SETD2: variants seen among roughly 807,000 people sequenced by gnomAD.
SETD2 encodes the protein SET domain containing 2, histone lysine methyltransferase.
SETD2 carries 31 observed loss-of-function variants against 242.1 expected under a neutral mutation model. The ratio of observed to expected loss-of-function variants is 0.13; its 90% confidence interval spans 0.10 to 0.17. The LOEUF (loss-of-function observed/expected upper bound fraction) is 0.17, where lower values mean the gene tolerates loss of function less well. Among genes scored for constraint, SETD2 ranks in the 10% least tolerant of loss-of-function variants. The pLI is 1.00. For missense variants in SETD2, 2,481 were observed against 3,046.3 expected, an observed-to-expected ratio of 0.81 and a Z score of 4.37; for synonymous variants, 1,006 against 1,066.5, an observed-to-expected ratio of 0.94 and a Z score of 1.11.
chr3:47,119,849 G>T (rs763570981), intron 3 of SETD2: 136 of 480,270 alleles, frequency 2.8e-4, no homozygotes, highest in Non-Finnish European at 4.6e-4. Context: ...TTATTTTGCT[G>T]GGGTTTTATT....
intron 14 of SETD2, 123 bp from the exon 15 acceptor site, chr3:47,057,613 G>A (rs1038594096): frequency 5.9e-6 from 4 of 679,404 alleles, no homozygotes; most frequent in Admixed American, 5.5e-5. Context: ...TTTGGCACTG[G>A]TTTACAACTA....
intron 8 of SETD2, among the ~76,000 whole-genome samples, chr3:47,101,198 T>C (rs2042198615): frequency 1.3e-5 from 2 of 152,002 alleles, no homozygotes; most frequent in Admixed American, 6.6e-5. Flanking sequence ...CTAAAGTTTT[T>C]CAGAATTACA....
At chr3:47,035,270 A>G (rs1262552436) in intron 18 of SETD2, among the ~76,000 whole-genome samples, 1 of 152,216 alleles carries the variant, frequency 6.6e-6, no homozygotes, top group Non-Finnish European at 1.5e-5. Flanking sequence ...GGTGCTGAGC[A>G]GACCTAACTA....
chr3:47,140,633 G>C lies in SETD2; in HGVS notation c.72-13970C>G, dbSNP rs937519690. ...CTCAGCACTTTGGGAGGCCAAGGCG[G>C]GTGGATCACTTGAGGTCAGGAGTTC... On this transcript the variant is annotated intron_variant, in intron 1 of 20. Transcript: ENST00000409792. Among the ~76,000 whole-genome samples, 38 of 152,158 alleles carry C rather than the reference G, an allele frequency of 2.5e-4. 3 individuals are homozygous for C.
At chr3:47,059,248 C>T (rs760244578) in intron 14 of SETD2, among the ~76,000 whole-genome samples, 1 of 150,370 alleles carries the variant, frequency 6.7e-6, no homozygotes, top group Non-Finnish European at 1.5e-5. Flanking sequence ...TCCCCAGTAA[C>T]TGGGATTACA....
At chr3:47,021,894 A>G (rs1400925773) in intron 18 of SETD2, among the ~76,000 whole-genome samples, 1 of 152,120 alleles carries the variant, frequency 6.6e-6, no homozygotes, top group East Asian at 1.9e-4. Context: ...CACGCCTGTA[A>G]TCCTAGCACT....
chr3:47,163,835 C>G lies in SETD2; in HGVS notation c.71+19G>C, dbSNP rs746725061. On this transcript the variant is annotated intron_variant, in intron 1 of 20. Coordinates refer to ENST00000409792, the MANE Select transcript of SETD2 (RefSeq NM_014159.7). ...TAAGGCGGCCGACAGCAGCGGGGGG[C>G]CGCGGAGCTGATACTTACTCAGGGG... 6 of 1,273,216 alleles carry G rather than the reference C, an allele frequency of 4.7e-6. No homozygotes were observed. The highest frequency in any genetic ancestry group is 3.6e-5 in the Admixed American group (1 of 27,730). The allele number at this position is 1,273,216 out of a possible 1,614,324, so 78.9% of individuals were successfully genotyped here. A position where few individuals can be genotyped will look rare whatever the true frequency, so the allele number is the denominator to read the frequency against.
In SETD2 at chr3:47,148,718, G is replaced by T. The variant is rs2043918103; in HGVS notation, c.71+15136C>A. ...ATAATAAAAACCCCATTTTCCAGTA[G>T]GAAAAACTTTATAGACATCCAATCG... On this transcript the variant is annotated intron_variant, in intron 1 of 20. Coordinates refer to ENST00000409792, the MANE Select transcript of SETD2 (RefSeq NM_014159.7). Among the ~76,000 whole-genome samples, 2 of 152,274 alleles carry T rather than the reference G, an allele frequency of 1.3e-5. 1 individual carries two copies. The highest frequency in any genetic ancestry group is 4.1e-4 in the South Asian group (2 of 4,830).
intron 1 of SETD2, among the ~76,000 whole-genome samples, chr3:47,158,056 T>C (rs2044166340): frequency 6.6e-6 from 1 of 152,198 alleles, no homozygotes; most frequent in Non-Finnish European, 1.5e-5. Flanking sequence ...CCAGGAGTTC[T>C]GTCTCCAGAG....
At chr3:47,159,502 T>G (rs1697420935) in intron 1 of SETD2, among the ~76,000 whole-genome samples, 2 of 152,206 alleles carry the variant, frequency 1.3e-5, no homozygotes, top group Non-Finnish European at 2.9e-5. Flanking sequence ...ACTCTTATAT[T>G]ACCATCTTGG....
rs2106640194 is a variant in SETD2, at chr3:47,121,115, G to A, written c.3521C>T (p.Thr1174Ile). 1 of 1,614,106 alleles carries A rather than the reference G, an allele frequency of 6.2e-7. No homozygotes were observed. The highest frequency in any genetic ancestry group is 8.5e-7 in the Non-Finnish European group (1 of 1,179,984). ...ACCCAGAGGGTCAGATTTCACATCT[G>A]TATGACTTGTACTATCAACCCCATC... ...QSDGVDSTSHTDVKSDPLGHP... is the reference protein window; with the variant it reads ...QSDGVDSTSHIDVKSDPLGHP... The change falls in exon 3 of 21, where the codon ACA becomes ATA. Residue 1174 changes from threonine to isoleucine, a missense_variant. By Grantham distance (89) the Thr-to-Ile change is moderately conservative. Transcript: ENST00000409792.
intron 12 of SETD2, among the ~76,000 whole-genome samples, chr3:47,071,166 C>T (rs1395685650): frequency 6.6e-6 from 1 of 152,186 alleles, no homozygotes; most frequent in Non-Finnish European, 1.5e-5. Context: ...GGTTCTAGGA[C>T]TGCTCTTGCC....
Position 47,084,191 on chromosome 3 carries a change from C to T in SETD2, c.5589G>A (p.Lys1863=). ...TGTCTGTGTCAGCTTCTGTGCTCAG[C>T]TTGGTGGAAGGATCAGGTGTGTTGA... is the stretch of plus-strand genomic sequence containing the variant. ...TPLNTPDPST[K]LSTEADTDTP... The change falls in exon 12 of 21, where the codon AAG becomes AAA. Residue 1863 remains lysine, a synonymous_variant. Coordinates refer to ENST00000409792, the MANE Select transcript of SETD2 (RefSeq NM_014159.7). 6.2e-7 allele frequency: 1 copy of T among 1,614,134 alleles called. No individual in the cohort carries two copies. Among genetic ancestry groups the T allele is most frequent in the Non-Finnish European group, 8.5e-7 (1 of 1,180,026 alleles).
In SETD2 at chr3:47,050,723, CTTTTTTTTTTT is replaced by C. The variant is rs775259096; in HGVS notation, c.6964-4113_6964-4103del. On this transcript the variant is annotated intron_variant, in intron 15 of 20. Transcript: ENST00000409792. Reference sequence around the variant, plus strand: ...CTCAACCTGTATACATTTCCTCTCTCTTTTTTTTTTTTTTTTTTTTTTTTTGAGACAGAGTC... The same window carrying C: ...CTCAACCTGTATACATTTCCTCTCTCTTTTTTTTTTTTTTGAGACAGAGTC... 1.3e-4 allele frequency among the ~76,000 whole-genome samples: 9 copies of C among 66,878 alleles called. 1 individual carries two copies. Among genetic ancestry groups the C allele is most frequent in the Non-Finnish European group, 1.6e-4 (6 of 38,394 alleles). The allele number at this position is 66,878 out of a possible 152,430, so 43.9% of individuals were successfully genotyped here.
chr3:47,106,702 C>A (rs563002899), intron 5 of SETD2, among the ~76,000 whole-genome samples: 1 of 150,554 alleles, frequency 6.6e-6, no homozygotes, highest in African/African-American at 2.4e-5. Context: ...GTCCCAGCTA[C>A]TTGGGAGGCT....
At chr3:47,052,056 T>C (rs2039869903) in intron 15 of SETD2, among the ~76,000 whole-genome samples, 1 of 152,216 alleles carries the variant, frequency 6.6e-6, no homozygotes, top group Non-Finnish European at 1.5e-5. Flanking sequence ...ATTTGGTTTC[T>C]ATAAACCAGT....
chr3:47,044,527 G>C (rs140569411), intron 16 of SETD2, among the ~76,000 whole-genome samples: 2 of 152,130 alleles, frequency 1.3e-5, no homozygotes, highest in East Asian at 3.9e-4. Context: ...TCAATTGCTG[G>C]ATTGCTGCAA....
rs2107638224 is a variant in SETD2 at position 47,083,854 on chromosome 3, C to T, written c.5926G>A (p.Glu1976Lys). 6.2e-7 allele frequency: 1 copy of T among 1,614,172 alleles called. No homozygotes were observed. The highest frequency in any genetic ancestry group is 8.5e-7 in the Non-Finnish European group (1 of 1,180,018). ...NGTKLEEPIN[E>K]ETPSQDEEEG... is the part of the protein sequence containing the mutation. Reference sequence around the variant, plus strand: ...TCTTCATCTTGGGATGGTGTTTCTTCATTAATAGGTTCTTCTAGTTTTGTG... The same window carrying T: ...TCTTCATCTTGGGATGGTGTTTCTTTATTAATAGGTTCTTCTAGTTTTGTG... The change falls in exon 12 of 21, where the codon GAA becomes AAA. Residue 1976 changes from glutamate to lysine, a missense_variant. Physicochemically the swap from Glu to Lys is moderately conservative, Grantham distance 56. Around this residue, in one of 17 missense-constraint regions of SETD2, gnomAD observed 203 missense variants for 222.4 expected, o/e 0.91. Transcript: ENST00000409792.
Position 47,017,429 on chromosome 3 carries a change from A to G in SETD2, c.7534-175T>C, listed in dbSNP as rs1235413005. Among the ~76,000 whole-genome samples the G allele has an allele frequency of 1.3e-5, 2 of 152,100 alleles. No individual in the cohort carries two copies. Among genetic ancestry groups the G allele is most frequent in the Non-Finnish European group, 2.9e-5 (2 of 68,022 alleles). On this transcript the variant is annotated intron_variant, in intron 20 of 20. Coordinates refer to ENST00000409792, the MANE Select transcript of SETD2 (RefSeq NM_014159.7). The surrounding 1 kb of genome is among the most constrained non-coding windows in gnomAD (Gnocchi z 4.8). ...TGGTGCTATGATCACCAGAAAGGAC[A>G]AGCTGAGCTCTGAAAATTTCTTAGA...
Sources: gnomAD v4.1 joint callset for allele counts (sites outside exome capture counted in the v4.1 genomes callset) on GRCh38, gnomAD v4.1.1 for gene constraint, gnomAD v4.1.1 regional missense constraint, Gnocchi (gnomAD v3.1) non-coding constraint, MANE v1.5 for transcripts, NCBI Gene and HGNC (gene_info 2026-07-23, HGNC 2026-07-21) for gene names.